The following BICC1 variants were observed in gnomAD, a reference collection of about 807,000 sequenced individuals.
The protein encoded by BICC1 is protein bicaudal C homolog 1.
A neutral mutation model predicts 111.0 loss-of-function variants in BICC1; 43 were observed. The observed-to-expected ratio is 0.39, with a 90% CI of 0.30 to 0.50. BICC1 has a LOEUF of 0.50. Among genes scored for constraint, BICC1 ranks in the 20% least tolerant of loss-of-function variants. The pLI is 0.88. For missense variants in BICC1, 1,091 were observed against 1,203.2 expected, an observed-to-expected ratio of 0.91 and a Z score of 1.38; for synonymous variants, 467 against 434.4, an observed-to-expected ratio of 1.07 and a Z score of -0.93.
intron 2 of BICC1, among the ~76,000 whole-genome samples, chr10:58,630,769 A>G (rs1396866776): frequency 6.6e-6 from 1 of 152,188 alleles, no homozygotes. Flanking sequence ...CATGTTAACA[A>G]AATTTGGTGT....
chr10:58,735,210 T>G (rs1376940851), intron 3 of BICC1, among the ~76,000 whole-genome samples: 1 of 152,218 alleles, frequency 6.6e-6, no homozygotes, highest in Non-Finnish European at 1.5e-5. Context: ...CCTTTTCTGT[T>G]TTGGTGACTG....
chr10:58,542,035 T>C (rs1192928131), intron 1 of BICC1, among the ~76,000 whole-genome samples: 1 of 150,742 alleles, frequency 6.6e-6, no homozygotes, highest in African/African-American at 2.4e-5. Flanking sequence ...CCTTTGGTCC[T>C]AGCTAATCTG....
At chr10:58,766,437 A>G (rs1286312986) in intron 3 of BICC1, among the ~76,000 whole-genome samples, 3 of 152,194 alleles carry the variant, frequency 2.0e-5, no homozygotes, top group African/African-American at 7.2e-5. Context: ...CACGAGAGAA[A>G]AGCATACACT....
chr10:58,546,911 C>A (rs1421125618), intron 1 of BICC1, among the ~76,000 whole-genome samples: 1 of 152,098 alleles, frequency 6.6e-6, no homozygotes, highest in African/African-American at 2.4e-5. Flanking sequence ...ATGAATCAGA[C>A]TTTCAGATGT....
At chr10:58,558,203 T>G (rs1490745941) in intron 1 of BICC1, among the ~76,000 whole-genome samples, 2 of 152,130 alleles carry the variant, frequency 1.3e-5, no homozygotes, top group Non-Finnish European at 2.9e-5. Flanking sequence ...TTTCAGTTGG[T>G]TCTCTAGTAG....
At chr10:58,544,264 T>TA (rs1201584464) in intron 1 of BICC1, among the ~76,000 whole-genome samples, 5 of 152,138 alleles carry the variant, frequency 3.3e-5, no homozygotes, top group African/African-American at 1.2e-4. Flanking sequence ...ACATTTCCTT[T>TA]AAAAAATAAA....
chr10:58,734,571 A>G (rs533844617), intron 3 of BICC1, among the ~76,000 whole-genome samples: 1 of 152,316 alleles, frequency 6.6e-6, no homozygotes, highest in South Asian at 2.1e-4. Context: ...GTGAATTGAA[A>G]ATACTTCTTT....
At chr10:58,740,725 G>T (rs1208074372) in intron 3 of BICC1, among the ~76,000 whole-genome samples, 1 of 152,184 alleles carries the variant, frequency 6.6e-6, no homozygotes, top group African/African-American at 2.4e-5. Flanking sequence ...GAGTCCACAT[G>T]AGGAGTGACT....
intron 2 of BICC1, among the ~76,000 whole-genome samples, chr10:58,623,327 A>G (rs1330275115): frequency 6.6e-6 from 1 of 152,196 alleles, no homozygotes; most frequent in Non-Finnish European, 1.5e-5. Context: ...AGATTGTGAA[A>G]CATATTATCT....
At chr10:58,635,019 A>C (rs1432007749) in intron 2 of BICC1, among the ~76,000 whole-genome samples, 1 of 152,158 alleles carries the variant, frequency 6.6e-6, no homozygotes, top group African/African-American at 2.4e-5. Context: ...TGGCAGAGGC[A>C]AAAGAAAATC....
chr10:58,716,133 C>A (rs569971257), intron 3 of BICC1: 167 of 1,500,282 alleles, frequency 1.1e-4, no homozygotes, highest in Middle Eastern at 4.7e-4. Context: ...CATCTGAGTC[C>A]TTGTAAGAAT....
At chr10:58,542,751 C>A (rs1412695975) in intron 1 of BICC1, among the ~76,000 whole-genome samples, 5 of 151,916 alleles carry the variant, frequency 3.3e-5, no homozygotes, top group African/African-American at 1.2e-4. Flanking sequence ...AAAATATAAA[C>A]ATCGGCATGA....
chr10:58,681,985 T>C (rs2132365222), intron 2 of BICC1, among the ~76,000 whole-genome samples: 1 of 152,046 alleles, frequency 6.6e-6, no homozygotes, highest in Non-Finnish European at 1.5e-5. Flanking sequence ...TCATTTACAT[T>C]AGGTATTTCT....
intron 1 of BICC1, among the ~76,000 whole-genome samples, chr10:58,561,849 T>A (rs1341787822): frequency 2.6e-5 from 4 of 152,178 alleles, no homozygotes; most frequent in Non-Finnish European, 1.5e-5. Flanking sequence ...TTTACTTGTC[T>A]AGAAAAGACT....
chr10:58,593,578 C>G (rs1844707083), intron 1 of BICC1, among the ~76,000 whole-genome samples: 1 of 152,076 alleles, frequency 6.6e-6, no homozygotes. Flanking sequence ...TGCAGCCTCC[C>G]CTGGTAATAC....
In BICC1 at chr10:58,829,387, T is replaced by A. The variant is rs1223194828; in HGVS notation, c.*496T>A. On this transcript the variant is annotated 3_prime_UTR_variant, in exon 21 of 21. Transcript: ENST00000373886. Reference sequence around the variant, plus strand: ...TTGTGGTCTTTCAGCACTTTACACGTTCTAATTTCTTGTCCTATGGAAGTT... The same window carrying A: ...TTGTGGTCTTTCAGCACTTTACACGATCTAATTTCTTGTCCTATGGAAGTT... 1 of 152,148 alleles carries A rather than the reference T, an allele frequency of 6.6e-6. No homozygotes were observed. The highest frequency in any genetic ancestry group is 6.6e-5 in the Admixed American group (1 of 15,254). The allele number at this position is 152,148 out of a possible 1,614,324, so 9.4% of individuals were successfully genotyped here. A position where few individuals can be genotyped will look rare whatever the true frequency, so the allele number is the denominator to read the frequency against.
chr10:58,659,149 T>G (rs1206005780), intron 2 of BICC1, among the ~76,000 whole-genome samples: 1 of 152,178 alleles, frequency 6.6e-6, no homozygotes, highest in Non-Finnish European at 1.5e-5. Flanking sequence ...CTGGTGAGAA[T>G]GTAAATTAGT....
At chr10:58,788,598 A>G (rs1843081498) in intron 6 of BICC1, among the ~76,000 whole-genome samples, 175 bp downstream of exon 6, 1 of 152,202 alleles carries the variant, frequency 6.6e-6, no homozygotes, top group African/African-American at 2.4e-5. Context: ...TATTTATTGT[A>G]TATGTTCAAA....
chr10:58,697,045 A>G (rs868698815), intron 2 of BICC1, among the ~76,000 whole-genome samples: 3 of 152,310 alleles, frequency 2.0e-5, no homozygotes, highest in South Asian at 4.1e-4. Flanking sequence ...AGGAAGTACT[A>G]ATTATTTTAA....
Sources: gnomAD v4.1 joint callset for allele counts (sites outside exome capture counted in the v4.1 genomes callset) on GRCh38, gnomAD v4.1.1 for gene constraint, MANE v1.5 for transcripts, NCBI Gene and HGNC (gene_info 2026-07-23, HGNC 2026-07-21) for gene names.